CCDC33: variants seen among roughly 807,000 people sequenced by gnomAD.
The protein encoded by CCDC33 is coiled-coil domain-containing protein 33.
A neutral mutation model predicts 91.9 loss-of-function variants in CCDC33; 94 were observed. The observed-to-expected ratio is 1.02, with a 90% confidence interval of 0.87 to 1.21. The LOEUF is 1.21. CCDC33 is among the 50% of genes most tolerant of loss of function. The pLI, the probability that CCDC33 is intolerant of heterozygous loss-of-function variation, is 0.00. For synonymous variants in CCDC33, 396 were observed against 374.5 expected (o/e 1.06, Z -0.66); for missense variants, 940 against 935.5 (o/e 1.00, Z -0.06).
chr15:74,247,357 C>CATAT (rs745393579), intron 2 of CCDC33, among the ~76,000 whole-genome samples: 6,336 of 137,688 alleles, frequency 0.046, 337 homozygotes, highest in African/African-American at 0.13. Context: ...GAAAAAATGT[C>CATAT]ATATATATAT....
intron 7 of CCDC33, among the ~76,000 whole-genome samples, chr15:74,275,100 C>G (rs74023461): frequency 0.1 from 15,978 of 152,182 alleles, 1,519 homozygotes; most frequent in African/African-American, 0.26. Context: ...CATCTCTACA[C>G]TTGAGGGGGT....
chr15:74,254,936 C>T (rs1402433002), intron 2 of CCDC33, among the ~76,000 whole-genome samples: 7 of 151,944 alleles, frequency 4.6e-5, no homozygotes, highest in East Asian at 1.9e-4. Flanking sequence ...TTAGTAGAGA[C>T]GGTGTTTTGC....
chr15:74,213,993 G>A (rs1285819005), upstream of CCDC33, among the ~76,000 whole-genome samples: 1 of 152,136 alleles, frequency 6.6e-6, no homozygotes, highest in Non-Finnish European at 1.5e-5. Context: ...CAGATCCTTG[G>A]CTCCAGAGAA....
chr15:74,211,109 G>A (rs2074361025), intron 2 of CCDC33, among the ~76,000 whole-genome samples: 1 of 146,634 alleles, frequency 6.8e-6, no homozygotes, highest in African/African-American at 2.5e-5. Flanking sequence ...CTGACCTAGG[G>A]GAAGTTTTGC....
Position 74,239,372 on chromosome 15 carries a change from ACCCTAGCCCTTCC to A in CCDC33, c.21+2636_21+2648del, listed in dbSNP as rs1566960776. ...CCTGTTGTTCCTACCTCCTCCTCTC[ACCCTAGCCCTTCC>A]CCCCAGCACATGGATCCAAAAATGC... is the stretch of plus-strand genomic sequence containing the variant. On this transcript the variant is annotated intron_variant, in intron 1 of 18. Coordinates refer to ENST00000398814, the MANE Select transcript of CCDC33 (RefSeq NM_025055.5). Among the ~76,000 whole-genome samples the A allele has an allele frequency of 7.3e-5, 11 of 151,572 alleles. No individual in the cohort carries two copies. The East Asian group carries it at 2.1e-3, about 29-fold the overall frequency.
At chr15:74,234,337 C>T (rs2075078131), upstream of CCDC33, among the ~76,000 whole-genome samples, 1 of 152,234 alleles carries the variant, frequency 6.6e-6, no homozygotes, top group Non-Finnish European at 1.5e-5. Flanking sequence ...CTCCCTGAAT[C>T]ATCACAGCTT....
intron 3 of CCDC33, 87 bp from the exon 4 acceptor site, chr15:74,266,591 T>C (rs2076171911): frequency 2.1e-6 from 2 of 934,926 alleles, no homozygotes; most frequent in South Asian, 1.4e-5. Context: ...CTCTCAACAA[T>C]GTCTCTCACC....
chr15:74,268,490 T>TG (rs370631066), intron 5 of CCDC33, 32 bp downstream of exon 5: 10 of 1,221,342 alleles, frequency 8.2e-6, no homozygotes, highest in Admixed American at 7.2e-5. Context: ...GGGGTGGTGG[T>TG]GGGGGTGGGA....
chr15:74,325,946 G>A (rs76328168), intron 11 of CCDC33, among the ~76,000 whole-genome samples: 2,787 of 152,184 alleles, frequency 0.018, 81 homozygotes, highest in African/African-American at 0.065. Context: ...TCCTTCGTGG[G>A]AACTGGTCCT....
At chr15:74,256,783 A>T (rs192786541) in intron 2 of CCDC33, among the ~76,000 whole-genome samples, 2 of 152,346 alleles carry the variant, frequency 1.3e-5, no homozygotes, top group Non-Finnish European at 2.9e-5. Flanking sequence ...AGGTGCAACA[A>T]TGCCCAGAAC....
chr15:74,252,269 C>A (rs1007852458), intron 2 of CCDC33, among the ~76,000 whole-genome samples: 3 of 152,194 alleles, frequency 2.0e-5, no homozygotes, highest in African/African-American at 7.2e-5. Context: ...GTTCTCCTTC[C>A]TCCCTGTCTG....
intron 11 of CCDC33, among the ~76,000 whole-genome samples, chr15:74,297,879 T>TG (rs2059719105): frequency 6.6e-6 from 1 of 152,170 alleles, no homozygotes; most frequent in African/African-American, 2.4e-5. Context: ...GCCAACCCTC[T>TG]GCCCTCCCCA....
chr15:74,203,100 T>C, intron 1 of CCDC33: 1 of 985,330 alleles, frequency 1.0e-6, no homozygotes, highest in Non-Finnish European at 1.2e-6. Flanking sequence ...AACAACCGAG[T>C]GAGACGGACC....
intron 2 of CCDC33, among the ~76,000 whole-genome samples, chr15:74,230,361 C>T (rs898918024): frequency 6.6e-6 from 1 of 152,220 alleles, no homozygotes; most frequent in Non-Finnish European, 1.5e-5. Flanking sequence ...AGCACTGCTT[C>T]TGCCCCTCCT....
intron 11 of CCDC33, among the ~76,000 whole-genome samples, chr15:74,308,578 T>C (rs1405725515): frequency 6.6e-6 from 1 of 152,032 alleles, no homozygotes; most frequent in Non-Finnish European, 1.5e-5. Flanking sequence ...GCATGTGGGC[T>C]GCGCCTTTAA....
intron 11 of CCDC33, among the ~76,000 whole-genome samples, chr15:74,322,608 G>A (rs529388008): frequency 6.6e-6 from 1 of 152,312 alleles, no homozygotes; most frequent in Non-Finnish European, 1.5e-5. Flanking sequence ...GTCTTGGAAG[G>A]CTGGCTGGAC....
In CCDC33 at chr15:74,332,723, G is replaced by C. The variant is rs770409250; in HGVS notation, c.1816G>C (p.Gly606Arg). ...SASGLPLGSM[G>R]ENLPVELYSV... ...CTCTGGCCTTCCCTTGGGTTCTATG[G>C]GAGAGAACCTGCCGGTTGAACTTTA... The change falls in exon 16 of 19, where the codon GGA becomes CGA. Residue 606 changes from glycine to arginine, a missense_variant. Transcript: ENST00000398814. 6.2e-7 allele frequency: 1 copy of C among 1,614,200 alleles called. No homozygotes were observed. The highest frequency in any genetic ancestry group is 1.1e-5 in the South Asian group (1 of 91,086).
At chr15:74,239,901 A>G (rs567342321) in intron 1 of CCDC33, among the ~76,000 whole-genome samples, 1 of 152,292 alleles carries the variant, frequency 6.6e-6, no homozygotes, top group African/African-American at 2.4e-5. Context: ...CTGTTCCCTC[A>G]TCAATCCTCT....
At chr15:74,278,273 T>C (rs1031299936) in intron 7 of CCDC33, among the ~76,000 whole-genome samples, 2 of 152,000 alleles carry the variant, frequency 1.3e-5, no homozygotes, top group Admixed American at 1.3e-4. Context: ...ACCCTGCCAC[T>C]GTGGGGAAGT....
Sources: allele counts gnomAD v4.1 joint callset (sites outside exome capture counted in the v4.1 genomes callset), GRCh38; gene constraint gnomAD v4.1.1; transcripts MANE v1.5; gene names NCBI Gene and HGNC (gene_info 2026-07-23, HGNC 2026-07-21).